SNX30: variants seen among roughly 807,000 people sequenced by gnomAD.
The protein encoded by SNX30 is sorting nexin family member 30.
SNX30 carries 24 observed loss-of-function variants against 46.4 expected under a neutral mutation model. That is an observed-to-expected ratio of 0.52 (90% CI 0.37 to 0.73). SNX30 has a LOEUF of 0.73. SNX30 is among the 30% of genes least tolerant of loss of function. SNX30 has a pLI of 0.00. For missense variants in SNX30, 533 were observed against 555.7 expected (o/e 0.96, Z 0.41); for synonymous variants, 189 against 211.5 (o/e 0.89, Z 0.92).
At chr9:112,805,612 G>T (rs1018103039) in intron 2 of SNX30, among the ~76,000 whole-genome samples, 2 of 152,096 alleles carry the variant, frequency 1.3e-5, no homozygotes, top group African/African-American at 4.8e-5. Flanking sequence ...GAGATTATAG[G>T]CATGTGCCAC....
rs965599281 is a variant in SNX30 at position 112,870,006 on chromosome 9, A to G, written c.*1163A>G. 6.6e-6 allele frequency: 1 copy of G among 152,174 alleles called. No individual in the cohort carries two copies. Among genetic ancestry groups the G allele is most frequent in the African/African-American group, 2.4e-5 (1 of 41,434 alleles). 9.4% of individuals were successfully genotyped at this position (152,174 alleles called of 1,614,324 possible). A position where few individuals can be genotyped will look rare whatever the true frequency, so the allele number is the denominator to read the frequency against. On this transcript the variant is annotated 3_prime_UTR_variant, in exon 9 of 9. Transcript: ENST00000374232. ...CCTGGACGGGCCTCGAAAATGACAA[A>G]TGCAACAGCGAGCCCTTTGTGTCCA...
intron 1 of SNX30, among the ~76,000 whole-genome samples, chr9:112,770,777 C>G (rs1351526265): frequency 2.0e-5 from 3 of 152,104 alleles, no homozygotes; most frequent in Non-Finnish European, 4.4e-5. Context: ...GCAGGCGGAT[C>G]ACGAGGTCAA....
chr9:112,760,976 C>T (rs1257018100), intron 1 of SNX30, among the ~76,000 whole-genome samples: 1 of 151,986 alleles, frequency 6.6e-6, no homozygotes, highest in Non-Finnish European at 1.5e-5. Flanking sequence ...GACCTGTGGC[C>T]GCTGGAGGAG....
intron 1 of SNX30, among the ~76,000 whole-genome samples, chr9:112,796,931 A>C (rs1840116773): frequency 1.3e-5 from 2 of 152,160 alleles, no homozygotes; most frequent in South Asian, 4.1e-4. Context: ...ACTCACCTGC[A>C]AAACTCCAAG....
chr9:112,815,622 A>C (rs1027204209), intron 2 of SNX30, among the ~76,000 whole-genome samples: 1 of 152,210 alleles, frequency 6.6e-6, no homozygotes, highest in Non-Finnish European at 1.5e-5. Context: ...CGGCCTCCCA[A>C]AGTGCTGGGA....
At chr9:112,850,275 G>T (rs1454274167) in intron 6 of SNX30, among the ~76,000 whole-genome samples, 1 of 152,196 alleles carries the variant, frequency 6.6e-6, no homozygotes, top group Non-Finnish European at 1.5e-5. Flanking sequence ...ACATACAGGC[G>T]CATACTGTGT....
intron 6 of SNX30, among the ~76,000 whole-genome samples, chr9:112,842,689 CTT>C (rs1314067963): frequency 6.6e-6 from 1 of 152,228 alleles, no homozygotes; most frequent in Non-Finnish European, 1.5e-5. Flanking sequence ...AACTAGGTGA[CTT>C]TAGGCTTTTC....
At chr9:112,842,067 C>T (rs1020278324) in intron 6 of SNX30, among the ~76,000 whole-genome samples, 2 of 152,198 alleles carry the variant, frequency 1.3e-5, no homozygotes, top group Non-Finnish European at 2.9e-5. Context: ...CCTCAGGCTC[C>T]CGAGTAGCTG....
chr9:112,865,929 T>G (rs764770606), intron 8 of SNX30, among the ~76,000 whole-genome samples: 1 of 151,848 alleles, frequency 6.6e-6, no homozygotes, highest in Admixed American at 6.6e-5. Flanking sequence ...AAACCAACTA[T>G]GTCAAATGTC....
intron 1 of SNX30, among the ~76,000 whole-genome samples, chr9:112,791,474 A>G (rs1015394129): frequency 4.2e-5 from 5 of 120,210 alleles, no homozygotes; most frequent in Non-Finnish European, 8.0e-5. Flanking sequence ...CAGTGGCGCA[A>G]TTGCGCTGCT....
chr9:112,877,663 C>T (rs1461638509), downstream of SNX30: 1 of 152,172 alleles, frequency 6.6e-6, no homozygotes, highest in Non-Finnish European at 1.5e-5. Context: ...TTTTCCATAT[C>T]CATCTACTTT....
At chr9:112,816,269 TG>T (rs1274873432) in intron 2 of SNX30, among the ~76,000 whole-genome samples, 7 of 152,266 alleles carry the variant, frequency 4.6e-5, no homozygotes, top group Non-Finnish European at 4.4e-5. Flanking sequence ...GCGGGTGGTG[TG>T]GGGATGGGAG....
chr9:112,751,369 G>C (rs1050708678), intron 1 of SNX30, among the ~76,000 whole-genome samples: 2 of 152,206 alleles, frequency 1.3e-5, no homozygotes, highest in Non-Finnish European at 2.9e-5. Flanking sequence ...CGCTGCCTGT[G>C]ACTGGTCGCA....
At chr9:112,762,097 A>C (rs1476728188) in intron 1 of SNX30, among the ~76,000 whole-genome samples, 1 of 152,206 alleles carries the variant, frequency 6.6e-6, no homozygotes, top group African/African-American at 2.4e-5. Flanking sequence ...TGATGCATGT[A>C]TGAGCAATGG....
At chr9:112,771,486 G>A (rs1364591337) in intron 1 of SNX30, among the ~76,000 whole-genome samples, 2 of 152,092 alleles carry the variant, frequency 1.3e-5, no homozygotes, top group African/African-American at 4.8e-5. Context: ...TCTGTCTTGC[G>A]TGTGTGTGAA....
At chr9:112,792,027 GTTTTC>G (rs1226488513) in intron 1 of SNX30, among the ~76,000 whole-genome samples, 38 of 151,978 alleles carry the variant, frequency 2.5e-4, no homozygotes, top group Admixed American at 2.4e-3. Context: ...CTTGTTCTCA[GTTTTC>G]TTTTTTGTCC....
downstream of SNX30, among the ~76,000 whole-genome samples, chr9:112,876,434 A>G (rs1487960351): frequency 6.6e-6 from 1 of 151,474 alleles, no homozygotes; most frequent in Non-Finnish European, 1.5e-5. Flanking sequence ...AGCAACGTAG[A>G]CCCCGTCTCT....
chr9:112,828,691 T>C (rs1185169115), intron 3 of SNX30, among the ~76,000 whole-genome samples: 2 of 152,196 alleles, frequency 1.3e-5, no homozygotes, highest in Non-Finnish European at 2.9e-5. Context: ...CTCTGTCAAG[T>C]TGAGTGGTAG....
chr9:112,812,462 G>T (rs1299847565), intron 2 of SNX30, among the ~76,000 whole-genome samples: 1 of 152,112 alleles, frequency 6.6e-6, no homozygotes, highest in Non-Finnish European at 1.5e-5. Flanking sequence ...CACCATGTTG[G>T]CCAGGCTGGT....
Sources: allele counts gnomAD v4.1 joint callset (sites outside exome capture counted in the v4.1 genomes callset), GRCh38; gene constraint gnomAD v4.1.1; transcripts MANE v1.5; gene names NCBI Gene and HGNC (gene_info 2026-07-23, HGNC 2026-07-21).